Variants in PID1 observed in about 807,000 individuals in gnomAD.
PID1 encodes the protein phosphotyrosine interaction domain containing 1.
A neutral mutation model predicts 19.1 loss-of-function variants in PID1; 10 were observed. That is an observed-to-expected ratio of 0.52 (90% confidence interval 0.32 to 0.89). PID1 has a LOEUF of 0.89. Ranked by LOEUF, PID1 falls within the 40% of genes least tolerant of loss-of-function variation. The pLI is 0.03. For missense variants in PID1, 248 were observed against 285.3 expected (o/e 0.87, Z 0.94); for synonymous variants, 130 against 116.0 (o/e 1.12, Z -0.78).
intron 1 of PID1, among the ~76,000 whole-genome samples, chr2:229,208,276 A>G (rs544309358): frequency 1.3e-4 from 20 of 152,304 alleles, no homozygotes; most frequent in African/African-American, 4.8e-4. Flanking sequence ...AACTTCATCA[A>G]TCACTATGAA....
chr2:229,169,209 G>T (rs1690662272), intron 1 of PID1, among the ~76,000 whole-genome samples: 1 of 152,110 alleles, frequency 6.6e-6, no homozygotes, highest in Non-Finnish European at 1.5e-5. Flanking sequence ...TTACCCCTTT[G>T]TATTGCAGTC....
chr2:229,061,592 G>C (rs1694213415), intron 2 of PID1, among the ~76,000 whole-genome samples: 1 of 151,684 alleles, frequency 6.6e-6, no homozygotes, highest in Non-Finnish European at 1.5e-5. Context: ...TATTTGGGGT[G>C]TTTTATGGTT....
intron 2 of PID1, among the ~76,000 whole-genome samples, chr2:229,094,582 A>G (rs927091249): frequency 1.3e-5 from 2 of 152,160 alleles, no homozygotes; most frequent in Non-Finnish European, 1.5e-5. Context: ...GTACAGGTAT[A>G]AAAGTGACAC....
At chr2:229,141,027 T>A (rs1690000781) in intron 2 of PID1, among the ~76,000 whole-genome samples, 1 of 151,606 alleles carries the variant, frequency 6.6e-6, no homozygotes, top group South Asian at 2.1e-4. Context: ...TTCCTTTGAC[T>A]CTCTTTGTCT....
intron 1 of PID1, among the ~76,000 whole-genome samples, chr2:229,208,612 G>A (rs1326665613): frequency 6.6e-6 from 1 of 152,084 alleles, no homozygotes; most frequent in African/African-American, 2.4e-5. Context: ...TTTCCTTTCT[G>A]CCCTCCCTCC....
chr2:229,049,150 G>C (rs1052761279), intron 2 of PID1, among the ~76,000 whole-genome samples: 9 of 151,818 alleles, frequency 5.9e-5, no homozygotes, highest in African/African-American at 2.2e-4. Flanking sequence ...AGCTACATGG[G>C]AGACTCCCCC....
intron 1 of PID1, among the ~76,000 whole-genome samples, chr2:229,186,747 C>T (rs6758516): frequency 0.89 from 135,319 of 151,922 alleles, 60,412 homozygotes; most frequent in African/African-American, 0.94. Context: ...GTCTTGGGGA[C>T]TAACTTTTGG....
chr2:229,095,762 C>T (rs535696660), intron 2 of PID1, among the ~76,000 whole-genome samples: 69 of 152,166 alleles, frequency 4.5e-4, no homozygotes, highest in African/African-American at 1.6e-3. Context: ...CTGAAGGGTA[C>T]AGACTGAAAA....
intron 2 of PID1, among the ~76,000 whole-genome samples, chr2:229,133,481 T>C (rs186756743): frequency 7.9e-5 from 12 of 152,342 alleles, no homozygotes; most frequent in Non-Finnish European, 1.2e-4. Flanking sequence ...TAACCTCAAA[T>C]TTATTGCCTG....
intron 1 of PID1, among the ~76,000 whole-genome samples, chr2:229,248,574 A>G (rs992736932): frequency 6.6e-6 from 1 of 152,168 alleles, no homozygotes; most frequent in Non-Finnish European, 1.5e-5. Context: ...TTTTATAATC[A>G]CTAATGATTC....
intron 2 of PID1, among the ~76,000 whole-genome samples, chr2:229,110,858 G>A (rs1559237495): frequency 6.6e-6 from 1 of 151,966 alleles, no homozygotes; most frequent in East Asian, 1.9e-4. Context: ...ACTCACGTAG[G>A]GCAGATAGGA....
chr2:229,062,937 A>T (rs1463652156), intron 2 of PID1, among the ~76,000 whole-genome samples: 3 of 151,828 alleles, frequency 2.0e-5, no homozygotes, highest in Non-Finnish European at 2.9e-5. Context: ...GTACTTTATG[A>T]TCCTTTGTAT....
chr2:229,269,059 C>G (rs756428184), intron 1 of PID1, among the ~76,000 whole-genome samples: 14 of 152,272 alleles, frequency 9.2e-5, no homozygotes, highest in Non-Finnish European at 1.5e-4. Context: ...TCTCTAATCT[C>G]AAGGCTTGAG....
intron 1 of PID1, among the ~76,000 whole-genome samples, chr2:229,158,414 A>G (rs1351116613): frequency 1.3e-5 from 2 of 152,120 alleles, no homozygotes; most frequent in Admixed American, 1.3e-4. Context: ...TCGCCACTAT[A>G]AGATTATATA....
chr2:229,255,170 T>A (rs1420008128), intron 1 of PID1, among the ~76,000 whole-genome samples: 1 of 152,214 alleles, frequency 6.6e-6, no homozygotes, highest in East Asian at 1.9e-4. Flanking sequence ...GGGACTGGAA[T>A]GCACACAGCA....
intron 1 of PID1, chr2:229,232,230 T>C: frequency 9.7e-7 from 1 of 1,026,056 alleles, no homozygotes; most frequent in Non-Finnish European, 1.3e-6. Context: ...AAGACCATCC[T>C]GGCTAACACA....
intron 2 of PID1, among the ~76,000 whole-genome samples, chr2:229,051,306 T>G (rs1050277361): frequency 6.6e-6 from 1 of 152,174 alleles, no homozygotes; most frequent in Admixed American, 6.5e-5. Context: ...TCCTAAGATA[T>G]CTGATTGTTA....
chr2:229,078,560 G>C (rs1215722674), intron 2 of PID1, among the ~76,000 whole-genome samples: 1 of 152,138 alleles, frequency 6.6e-6, no homozygotes, highest in African/African-American at 2.4e-5. Flanking sequence ...ATTATTTTGA[G>C]ATATGTTCCA....
At chr2:229,042,457 T>C (rs1221296598) in intron 2 of PID1, among the ~76,000 whole-genome samples, 1 of 152,138 alleles carries the variant, frequency 6.6e-6, no homozygotes, top group African/African-American at 2.4e-5. Context: ...TAAGATATAT[T>C]CAAAAGACCT....
Sources: allele counts gnomAD v4.1 joint callset (sites outside exome capture counted in the v4.1 genomes callset), GRCh38; gene constraint gnomAD v4.1.1; transcripts MANE v1.5; gene names NCBI Gene and HGNC (gene_info 2026-07-23, HGNC 2026-07-21).